The following WWOX variants were observed in gnomAD, a reference collection of about 807,000 sequenced individuals.
The protein encoded by WWOX is WW domain containing oxidoreductase.
In WWOX, 69 loss-of-function variants were observed where a neutral mutation model predicts 46.2. The observed-to-expected ratio is 1.49, with a 90% confidence interval of 1.23 to 1.82. WWOX has a LOEUF of 1.82. Ranked by LOEUF, WWOX falls within the 40% of genes most tolerant of loss-of-function variation. WWOX has a pLI of 0.00. For missense variants in WWOX, 919 were observed against 542.6 expected, an observed-to-expected ratio of 1.69 and a Z score of -6.89; for synonymous variants, 359 against 202.6, an observed-to-expected ratio of 1.77 and a Z score of -6.56.
At chr16:78,645,754 C>G (rs186989752) in intron 8 of WWOX, among the ~76,000 whole-genome samples, 2 of 152,270 alleles carry the variant, frequency 1.3e-5, no homozygotes, top group Admixed American at 6.5e-5. Context: ...CATTGGAGAT[C>G]AAATTTCAAC....
intron 8 of WWOX, among the ~76,000 whole-genome samples, chr16:78,799,951 A>G (rs2050842679): frequency 1.3e-5 from 2 of 152,066 alleles, no homozygotes; most frequent in Non-Finnish European, 2.9e-5. Flanking sequence ...CTAGTTAGGA[A>G]CTTCCCCCGC....
At chr16:79,111,306 G>A (rs2049412035) in intron 8 of WWOX, among the ~76,000 whole-genome samples, 1 of 152,184 alleles carries the variant, frequency 6.6e-6, no homozygotes, top group South Asian at 2.1e-4. Flanking sequence ...TTGTTTCTCT[G>A]TCATGTTTAA....
At chr16:78,819,885 G>A (rs900313367) in intron 8 of WWOX, among the ~76,000 whole-genome samples, 2 of 152,158 alleles carry the variant, frequency 1.3e-5, no homozygotes, top group Non-Finnish European at 2.9e-5. Flanking sequence ...ACTTGAACTC[G>A]ATTCTGAGTC....
intron 8 of WWOX, among the ~76,000 whole-genome samples, chr16:78,910,757 C>T (rs2045089086): frequency 1.3e-5 from 2 of 151,796 alleles, no homozygotes; most frequent in African/African-American, 4.8e-5. Flanking sequence ...GTGGGACTTA[C>T]TCACTATCAC....
In WWOX at chr16:79,147,000, C is replaced by T. The variant is rs558673098; in HGVS notation, c.1057-64608C>T. Among the ~76,000 whole-genome samples, 9 of 152,256 alleles carry T rather than the reference C, an allele frequency of 5.9e-5. No individual in the cohort carries two copies. In the South Asian group the frequency reaches 1.7e-3, roughly 28 times the overall value. On this transcript the variant is annotated intron_variant, in intron 8 of 8. Transcript: ENST00000566780. ...CCTCATATTCTTAGCTCAGTTTCCCCCAGTGATAGCTTTTGCAAAACAATT... is the reference window on the plus strand; with the variant it reads ...CCTCATATTCTTAGCTCAGTTTCCCTCAGTGATAGCTTTTGCAAAACAATT...
intron 8 of WWOX, among the ~76,000 whole-genome samples, chr16:78,620,390 G>C (rs181419967): frequency 6.6e-6 from 1 of 152,158 alleles, no homozygotes; most frequent in Non-Finnish European, 1.5e-5. Context: ...CAACAGACTC[G>C]TGTAGAAGTT....
At chr16:78,434,176 G>A (rs1054434007) in intron 8 of WWOX, among the ~76,000 whole-genome samples, 7 of 151,942 alleles carry the variant, frequency 4.6e-5, no homozygotes, top group African/African-American at 7.3e-5. Context: ...AATCACCCAA[G>A]TGGTTTTTAG....
intron 8 of WWOX, among the ~76,000 whole-genome samples, chr16:79,076,772 G>C (rs549518163): frequency 7.0e-4 from 106 of 152,358 alleles, no homozygotes; most frequent in African/African-American, 2.4e-3. Flanking sequence ...CTGACCTGCA[G>C]AATGGGAATA....
chr16:78,623,789 T>C (rs1012069367), intron 8 of WWOX, among the ~76,000 whole-genome samples: 1 of 152,062 alleles, frequency 6.6e-6, no homozygotes, highest in African/African-American at 2.4e-5. Flanking sequence ...TTCATTATTT[T>C]CCACTATGAA....
chr16:78,259,696 A>G (rs1484453604), intron 5 of WWOX, among the ~76,000 whole-genome samples: 1 of 151,546 alleles, frequency 6.6e-6, no homozygotes, highest in Non-Finnish European at 1.5e-5. Context: ...TGGGCATTCT[A>G]ATATACTGTG....
chr16:79,114,959 G>T (rs1216276621), intron 8 of WWOX, among the ~76,000 whole-genome samples: 1 of 152,216 alleles, frequency 6.6e-6, no homozygotes, highest in East Asian at 1.9e-4. Context: ...CTCAAGGGCA[G>T]TTAGACAATT....
At chr16:78,479,719 C>T (rs146747060) in intron 8 of WWOX, among the ~76,000 whole-genome samples, 31 of 152,180 alleles carry the variant, frequency 2.0e-4, no homozygotes, top group African/African-American at 5.3e-4. Flanking sequence ...GGCCAGGACA[C>T]GAAATATAGT....
chr16:78,362,789 A>G (rs950586183), intron 5 of WWOX, among the ~76,000 whole-genome samples: 2 of 152,184 alleles, frequency 1.3e-5, no homozygotes, highest in African/African-American at 4.8e-5. Flanking sequence ...AATATACCAC[A>G]AGCATTATCT....
intron 5 of WWOX, among the ~76,000 whole-genome samples, chr16:78,369,734 T>G (rs77695497): frequency 0.023 from 3,569 of 152,014 alleles, 147 homozygotes; most frequent in African/African-American, 0.082. Context: ...TAAACCCAAT[T>G]GTTAAAATCC....
At chr16:78,227,630 A>T (rs1487377287) in intron 5 of WWOX, among the ~76,000 whole-genome samples, 2 of 152,104 alleles carry the variant, frequency 1.3e-5, no homozygotes. Context: ...TAATCCCAGC[A>T]CTTTGGGAGG....
At chr16:78,322,560 G>C (rs907054092) in intron 5 of WWOX, among the ~76,000 whole-genome samples, 4 of 152,178 alleles carry the variant, frequency 2.6e-5, no homozygotes, top group Non-Finnish European at 5.9e-5. Flanking sequence ...CCCTAGCATC[G>C]TACAGTCAGT....
chr16:78,928,233 C>G (rs1480614021), intron 8 of WWOX, among the ~76,000 whole-genome samples: 2 of 143,406 alleles, frequency 1.4e-5, no homozygotes, highest in South Asian at 4.4e-4. Flanking sequence ...GACGGAGTCT[C>G]GCTCTGTCGC....
intron 8 of WWOX, among the ~76,000 whole-genome samples, chr16:79,038,696 C>T (rs2047914698): frequency 6.6e-6 from 1 of 151,900 alleles, no homozygotes; most frequent in Non-Finnish European, 1.5e-5. Context: ...ATTACAGGCA[C>T]CCACCACCAC....
intron 8 of WWOX, among the ~76,000 whole-genome samples, chr16:78,714,104 T>G (rs7198725): frequency 0.22 from 33,549 of 152,036 alleles, 3,853 homozygotes; most frequent in African/African-American, 0.24. Flanking sequence ...TGAAGCCCCT[T>G]CTAGAATAAG....
Sources: allele counts gnomAD v4.1 joint callset (sites outside exome capture counted in the v4.1 genomes callset), GRCh38; gene constraint gnomAD v4.1.1; transcripts MANE v1.5; gene names NCBI Gene and HGNC (gene_info 2026-07-23, HGNC 2026-07-21).